CDH13: variants seen among roughly 807,000 people sequenced by gnomAD.
The protein encoded by CDH13 is cadherin 13, also known as cadherin-13.
A neutral mutation model predicts 63.8 loss-of-function variants in CDH13; 24 were observed. The ratio of observed to expected loss-of-function variants is 0.38; its 90% CI spans 0.27 to 0.53. The LOEUF is 0.53. Among genes scored for constraint, CDH13 ranks in the 20% least tolerant of loss-of-function variants. CDH13 has a pLI of 0.85. For synonymous variants in CDH13, 503 were observed against 355.3 expected (o/e 1.42, Z -4.67); for missense variants, 1,049 against 903.1 (o/e 1.16, Z -2.07).
Position 82,993,204 on chromosome 16 carries a change from G to A in CDH13, c.158-38806G>A, listed in dbSNP as rs141454623. Among the ~76,000 whole-genome samples, 713 of 152,138 alleles carry A rather than the reference G, an allele frequency of 4.7e-3. 6 individuals are homozygous for A. The highest frequency in any genetic ancestry group is 0.016 in the African/African-American group (678 of 41,508). ...AACATTTTATGACTATTCTTTGTGG[G>A]TTAATTTCACATTTTATCTCCCAAA... On this transcript the variant is annotated intron_variant, in intron 2 of 13. Transcript: ENST00000567109.
chr16:83,547,974 T>C (rs1049228710), intron 7 of CDH13, among the ~76,000 whole-genome samples: 1 of 152,166 alleles, frequency 6.6e-6, no homozygotes, highest in Admixed American at 6.6e-5. Context: ...GCTAGGAATC[T>C]TCCTTGGTAT....
chr16:83,115,742 A>C (rs2035262050), intron 3 of CDH13, among the ~76,000 whole-genome samples: 1 of 152,236 alleles, frequency 6.6e-6, no homozygotes, highest in Admixed American at 6.5e-5. Flanking sequence ...CCTCTTAGCA[A>C]ACAAGTTTGC....
intron 1 of CDH13, among the ~76,000 whole-genome samples, chr16:82,675,485 G>A (rs1211044287): frequency 1.3e-5 from 2 of 152,128 alleles, no homozygotes; most frequent in Non-Finnish European, 2.9e-5. Flanking sequence ...AAGGAATTAA[G>A]GTATTCTCCT....
chr16:83,494,713 G>C (rs1422330152), intron 7 of CDH13, among the ~76,000 whole-genome samples: 1 of 152,210 alleles, frequency 6.6e-6, no homozygotes, highest in Non-Finnish European at 1.5e-5. Flanking sequence ...GCAACACTTA[G>C]ATTAAGGCAA....
intron 2 of CDH13, among the ~76,000 whole-genome samples, chr16:82,932,151 C>T (rs1416534746): frequency 6.6e-6 from 1 of 152,108 alleles, no homozygotes; most frequent in Non-Finnish European, 1.5e-5. Flanking sequence ...TGGTCAAAAG[C>T]ATATGCTTTT....
chr16:82,877,388 A>T (rs986053114), intron 2 of CDH13, among the ~76,000 whole-genome samples: 26 of 152,336 alleles, frequency 1.7e-4, no homozygotes, highest in Admixed American at 1.5e-3. Flanking sequence ...TGTTTCGTGG[A>T]CAAAGGTTTC....
At chr16:82,790,548 AAAAT>A (rs1192594550) in intron 1 of CDH13, among the ~76,000 whole-genome samples, 15 of 152,236 alleles carry the variant, frequency 9.9e-5, no homozygotes, top group Admixed American at 9.8e-4. Flanking sequence ...TGGTCAAGTG[AAAAT>A]AAAGCATATC....
intron 5 of CDH13, among the ~76,000 whole-genome samples, chr16:83,263,117 G>A (rs1480274853): frequency 1.3e-5 from 2 of 152,196 alleles, no homozygotes; most frequent in African/African-American, 4.8e-5. Flanking sequence ...GAGATGGATG[G>A]GCTGAGTGTG....
intron 8 of CDH13, among the ~76,000 whole-genome samples, chr16:83,623,651 A>G (rs187356403): frequency 8.4e-4 from 128 of 152,318 alleles, no homozygotes; most frequent in Middle Eastern, 6.8e-3. Context: ...GTAAATCCAT[A>G]TATCAGAGCC....
chr16:83,377,347 C>T (rs1161520748), intron 6 of CDH13, among the ~76,000 whole-genome samples: 2 of 152,154 alleles, frequency 1.3e-5, no homozygotes, highest in Non-Finnish European at 2.9e-5. Context: ...CCCCCAGTTC[C>T]TAAAAAGCCT....
At chr16:83,021,830 C>T (rs542291888) in intron 2 of CDH13, among the ~76,000 whole-genome samples, 37 of 152,252 alleles carry the variant, frequency 2.4e-4, no homozygotes, top group African/African-American at 8.4e-4. Context: ...GACTCTAGGC[C>T]AAACATGGAA....
intron 1 of CDH13, among the ~76,000 whole-genome samples, chr16:82,816,432 T>C (rs1274227355): frequency 3.9e-5 from 6 of 152,116 alleles, no homozygotes; most frequent in African/African-American, 1.4e-4. Flanking sequence ...GTTTTGTGCA[T>C]GAAGATGGCA....
intron 10 of CDH13, among the ~76,000 whole-genome samples, chr16:83,712,637 A>T (rs977443055): frequency 5.9e-5 from 9 of 152,306 alleles, no homozygotes; most frequent in African/African-American, 1.7e-4. Context: ...GCAAGATGTG[A>T]GGCAACATTT....
chr16:83,346,606 G>T (rs1054111055), intron 6 of CDH13, among the ~76,000 whole-genome samples: 1 of 152,138 alleles, frequency 6.6e-6, no homozygotes, highest in Non-Finnish European at 1.5e-5. Context: ...TATATTATGT[G>T]TGTATATGAT....
chr16:83,155,556 C>G (rs1025583718), intron 4 of CDH13, among the ~76,000 whole-genome samples: 1 of 152,142 alleles, frequency 6.6e-6, no homozygotes, highest in Non-Finnish European at 1.5e-5. Context: ...TCTTTCCCCT[C>G]AACAGTGCAT....
At chr16:83,084,238 C>A (rs1477197146) in intron 3 of CDH13, among the ~76,000 whole-genome samples, 1 of 152,186 alleles carries the variant, frequency 6.6e-6, no homozygotes, top group African/African-American at 2.4e-5. Flanking sequence ...AAGTGTGTGA[C>A]TGTGGCGAAT....
At chr16:83,433,220 C>G (rs1379040515) in intron 6 of CDH13, among the ~76,000 whole-genome samples, 1 of 152,196 alleles carries the variant, frequency 6.6e-6, no homozygotes, top group Admixed American at 6.5e-5. Flanking sequence ...CCTGAGTTCT[C>G]GTCCTGGCTC....
At chr16:83,125,745 A>T (rs7196370) in intron 4 of CDH13, among the ~76,000 whole-genome samples, 17 of 152,246 alleles carry the variant, frequency 1.1e-4, no homozygotes, top group South Asian at 2.1e-4. Context: ...GTTGAAATTA[A>T]GCAGGAAGAT....
At chr16:83,485,769 G>C (rs2073872228) in intron 6 of CDH13, among the ~76,000 whole-genome samples, 1 of 152,060 alleles carries the variant, frequency 6.6e-6, no homozygotes, top group African/African-American at 2.4e-5. Flanking sequence ...CTGAGCTCCT[G>C]CACACCCAGG....
Sources: allele counts gnomAD v4.1 joint callset (sites outside exome capture counted in the v4.1 genomes callset), GRCh38; gene constraint gnomAD v4.1.1; transcripts MANE v1.5; gene names NCBI Gene and HGNC (gene_info 2026-07-23, HGNC 2026-07-21).